Variants in QPCT observed in about 807,000 individuals in gnomAD.
QPCT encodes the protein glutaminyl-peptide cyclotransferase, also known as EC.
QPCT carries 44 observed loss-of-function variants against 43.4 expected under a neutral mutation model. The observed-to-expected ratio is 1.01, with a 90% CI of 0.80 to 1.30. The LOEUF (loss-of-function observed/expected upper bound fraction) is 1.30, where lower values mean the gene tolerates loss of function less well. QPCT is among the 50% of genes most tolerant of loss of function. The pLI is 0.00. For missense variants in QPCT, 526 were observed against 436.5 expected (o/e 1.21, Z -1.83); for synonymous variants, 168 against 168.4 (o/e 1.00, Z 0.02).
chr2:37,352,587 C>T (rs1303499703), intron 1 of QPCT, among the ~76,000 whole-genome samples: 3 of 152,182 alleles, frequency 2.0e-5, no homozygotes, highest in African/African-American at 7.2e-5. Flanking sequence ...TTGCCTCAGC[C>T]TCCCAAAGTG....
chr2:37,353,292 A>C (rs1672661377), intron 2 of QPCT, among the ~76,000 whole-genome samples: 1 of 152,184 alleles, frequency 6.6e-6, no homozygotes, highest in Non-Finnish European at 1.5e-5. Context: ...TTCTAAGTCA[A>C]GAGTATCATT....
chr2:37,348,066 G>A (rs1050494523), intron 1 of QPCT, among the ~76,000 whole-genome samples: 3 of 42,562 alleles, frequency 7.0e-5, no homozygotes, highest in African/African-American at 5.7e-5. Context: ...GCGCACGCGT[G>A]TGTGTGTGTG....
Position 37,344,762 on chromosome 2 carries a change from G to A in QPCT, c.31G>A (p.Gly11Ser). MAGGRHRRVV[G>S]TLHLLLLVAA... The stretch of plus-strand genomic sequence containing the variant: ...AGGCGGAAGACACCGGCGCGTCGTG[G>A]GCACCCTCCACCTGCTGCTGCTGGT... The change falls in exon 1 of 7, where the codon GGC becomes AGC. Residue 11 changes from glycine to serine, a missense_variant. Gly to Ser is a moderately conservative substitution (Grantham distance 56). Coordinates refer to ENST00000338415, the MANE Select transcript of QPCT (RefSeq NM_012413.4). The A allele has an allele frequency of 6.2e-7, 1 of 1,608,206 alleles. No homozygotes were observed.
At position 37,372,404 on chromosome 2, in the gene QPCT, G is replaced by C. The variant is rs769167091; in HGVS notation, c.872G>C (p.Gly291Ala). Residue 291 changes from glycine (G) to alanine (A), a missense_variant, in exon 6 of 7, where the codon GGG becomes GCG. Coordinates refer to ENST00000338415, the MANE Select transcript of QPCT (RefSeq NM_012413.4). ...TTGCTCAAGGATCACTCTTTGGAGG[G>C]GCGGTATTTCCAGAATTACAGTTAT... ...LGLLKDHSLEGRYFQNYSYGG... is the reference protein window; with the variant it reads ...LGLLKDHSLEARYFQNYSYGG... 6.2e-7 allele frequency: 1 copy of C among 1,614,088 alleles called. No individual in the cohort carries two copies. Among genetic ancestry groups the C allele is most frequent in the African/African-American group, 1.3e-5 (1 of 75,024 alleles).
At chr2:37,351,175 AAGCGTATCC>A (rs1672613697) in intron 1 of QPCT, among the ~76,000 whole-genome samples, 1 of 152,242 alleles carries the variant, frequency 6.6e-6, no homozygotes, top group South Asian at 2.1e-4. Context: ...ATGACTATTT[AAGCGTATCC>A]AGCTAACACT....
chr2:37,367,498 C>G, intron 4 of QPCT, 90 bp downstream of exon 4: 1 of 1,300,046 alleles, frequency 7.7e-7, no homozygotes, highest in East Asian at 2.5e-5. Context: ...CTAAAAATGC[C>G]ACAGCATCCT....
Position 37,344,764 on chromosome 2 carries a change from C to A in QPCT, c.33C>A (p.Gly11=), listed in dbSNP as rs1346782440. 3.1e-6 allele frequency: 5 copies of A among 1,608,036 alleles called. No homozygotes were observed. The highest frequency in any genetic ancestry group is 8.5e-7 in the Non-Finnish European group (1 of 1,178,328). Residue 11 remains glycine, a synonymous_variant, in exon 1 of 7, where the codon GGC becomes GGA. Transcript: ENST00000338415. The part of the protein sequence containing the change: MAGGRHRRVV[G]TLHLLLLVAA... ...GCGGAAGACACCGGCGCGTCGTGGG[C>A]ACCCTCCACCTGCTGCTGCTGGTGG...
In QPCT at chr2:37,372,793, T is replaced by A; in HGVS notation, c.1052T>A (p.Leu351Gln). The A allele has an allele frequency of 6.2e-7, 1 of 1,612,444 alleles. No homozygotes were observed. The highest frequency in any genetic ancestry group is 8.5e-7 in the Non-Finnish European group (1 of 1,178,848). Residue 351 changes from leucine to glutamine, a missense_variant, in exon 7 of 7, where the codon CTA (leucine) becomes CAA (glutamine). Leu to Gln is a moderately radical substitution (Grantham distance 113). Transcript: ENST00000338415. ...ACCATTGACAATCTAAACAAAATCCTACAAGTCTTTGTGTTGGAATATCTT... is the reference window on the plus strand; with the variant it reads ...ACCATTGACAATCTAAACAAAATCCAACAAGTCTTTGTGTTGGAATATCTT... The part of the protein sequence containing the change: ...ESTIDNLNKI[L>Q]QVFVLEYLHL
intron 3 of QPCT, among the ~76,000 whole-genome samples, chr2:37,366,672 A>G (rs1672968991): frequency 6.6e-6 from 1 of 152,248 alleles, no homozygotes; most frequent in Admixed American, 6.5e-5. Context: ...GGATCAACAC[A>G]GGTATCAGGG....
At chr2:37,361,620 C>T (rs1333120247) in intron 3 of QPCT, among the ~76,000 whole-genome samples, 1 of 152,224 alleles carries the variant, frequency 6.6e-6, no homozygotes, top group African/African-American at 2.4e-5. Context: ...GGATGAGACA[C>T]CTGGAGCAGA....
intron 1 of QPCT, among the ~76,000 whole-genome samples, chr2:37,352,441 A>T (rs2124932958): frequency 6.6e-6 from 1 of 152,248 alleles, no homozygotes; most frequent in Admixed American, 6.5e-5. Context: ...CTCCCACCTC[A>T]GCCTCCTAAG....
At chr2:37,352,726 A>T in intron 1 of QPCT, 63 bp from the exon 2 acceptor site, 7 of 1,556,538 alleles carry the variant, frequency 4.5e-6, no homozygotes, top group Non-Finnish European at 5.3e-6. Context: ...AATTGAAAAC[A>T]TGTCAGAGTC....
chr2:37,369,611 G>A (rs543781597), intron 4 of QPCT, 74 bp from the exon 5 acceptor site: 146 of 1,114,692 alleles, frequency 1.3e-4, no homozygotes, highest in Admixed American at 3.7e-4. Flanking sequence ...AATTTTGACT[G>A]ATTGTATTTC....
At chr2:37,349,414 T>A (rs1672573520) in intron 1 of QPCT, among the ~76,000 whole-genome samples, 2 of 152,232 alleles carry the variant, frequency 1.3e-5, no homozygotes, top group African/African-American at 2.4e-5. Flanking sequence ...TAGTTAAAGA[T>A]GCTTGGGGGA....
Position 37,372,481 on chromosome 2 carries a change from T to G in QPCT, c.940+9T>G. ...TCCATTTTTAAGAAGAGGTAATGTG[T>G]GTGTGTGTGTGTGTTTGTGTGTGTG... On this transcript the variant is annotated intron_variant, in intron 6 of 6. Transcript: ENST00000338415. The G allele has an allele frequency of 6.3e-7, 1 of 1,591,278 alleles. No homozygotes were observed. Among genetic ancestry groups the G allele is most frequent in the Non-Finnish European group, 8.6e-7 (1 of 1,159,486 alleles).
Position 37,369,770 on chromosome 2 carries a change from G to C in QPCT, c.809G>C (p.Arg270Thr), listed in dbSNP as rs774841722. 6.9e-6 allele frequency: 11 copies of C among 1,584,402 alleles called. No homozygotes were observed. Among genetic ancestry groups the C allele is most frequent in the Admixed American group, 3.3e-5 (2 of 59,924 alleles). ...CCAAACTCAGCCAGGTGGTTCGAAA[G>C]ACTTCAAGCAATTGGTAAGCACCAC... is the stretch of plus-strand genomic sequence containing the variant. ...FFPNSARWFE[R>T]LQAIEHELHE... Residue 270 changes from arginine (R) to threonine (T), a missense_variant, in exon 5 of 7, where the codon AGA (arginine) becomes ACA (threonine). Coordinates refer to ENST00000338415, the MANE Select transcript of QPCT (RefSeq NM_012413.4).
At chr2:37,351,050 G>A (rs1449706985) in intron 1 of QPCT, among the ~76,000 whole-genome samples, 3 of 152,222 alleles carry the variant, frequency 2.0e-5, no homozygotes, top group African/African-American at 7.2e-5. Context: ...GTACTGGAAA[G>A]TAAACAGCCA....
chr2:37,368,642 A>G (rs1558607402), intron 4 of QPCT: 1 of 471,086 alleles, frequency 2.1e-6, no homozygotes, highest in Non-Finnish European at 4.4e-6. Context: ...GCAGCTCCTA[A>G]TGGGCCAGGG....
At chr2:37,350,305 C>G (rs1221186548) in intron 1 of QPCT, among the ~76,000 whole-genome samples, 1 of 152,158 alleles carries the variant, frequency 6.6e-6, no homozygotes, top group East Asian at 1.9e-4. Flanking sequence ...AATAATTAAC[C>G]ATGGAAGTCT....
Sources: gnomAD v4.1 joint callset for allele counts (sites outside exome capture counted in the v4.1 genomes callset) on GRCh38, gnomAD v4.1.1 for gene constraint, MANE v1.5 for transcripts, NCBI Gene and HGNC (gene_info 2026-07-23, HGNC 2026-07-21) for gene names.